The following SULF2 variants were observed in gnomAD, a reference collection of about 807,000 sequenced individuals.
SULF2 encodes sulfatase 2.
In SULF2, 52 loss-of-function variants were observed where a neutral mutation model predicts 107.7. The ratio of observed to expected loss-of-function variants is 0.48; its 90% CI spans 0.39 to 0.61. The LOEUF is 0.61. Among genes scored for constraint, SULF2 ranks in the 20% least tolerant of loss-of-function variants. The pLI, the probability that SULF2 is intolerant of heterozygous loss-of-function variation, is 0.00. For missense variants in SULF2, 993 were observed against 1,177.3 expected (o/e 0.84, Z 2.29); for synonymous variants, 460 against 464.3 (o/e 0.99, Z 0.12).
intron 3 of SULF2, among the ~76,000 whole-genome samples, chr20:47,718,667 G>A (rs559973592): frequency 3.3e-5 from 5 of 152,252 alleles, no homozygotes; most frequent in South Asian, 2.1e-4. Context: ...TGTGGCATGC[G>A]AAAGAAGTAA....
At chr20:47,664,408 A>T (rs966375720) in intron 14 of SULF2, among the ~76,000 whole-genome samples, 1 of 152,208 alleles carries the variant, frequency 6.6e-6, no homozygotes, top group African/African-American at 2.4e-5. Flanking sequence ...CTCTGCCTGG[A>T]CTTTTGCTAG....
intron 1 of SULF2, among the ~76,000 whole-genome samples, chr20:47,778,929 G>A (rs1187753591): frequency 6.6e-6 from 1 of 152,100 alleles, no homozygotes; most frequent in Non-Finnish European, 1.5e-5. Flanking sequence ...TCAATATGCC[G>A]ATAACTCCCA....
intron 18 of SULF2, chr20:47,661,547 CGT>C: frequency 2.6e-6 from 1 of 380,520 alleles, no homozygotes. Flanking sequence ...GACGGAATTC[CGT>C]GTGTTTCCTG....
At position 47,682,847 on chromosome 20, in the gene SULF2, G is replaced by A; in HGVS notation, c.1064+147C>T. On this transcript the variant is annotated intron_variant, in intron 7 of 20. Transcript: ENST00000688720. ...CTTCCCCAGCAGAGGGATATAACAT[G>A]CATGACATAATTGCTTTCCGCTGGC... 5.3e-6 allele frequency: 4 copies of A among 752,976 alleles called. No individual in the cohort carries two copies. The South Asian group carries it at 5.9e-5, about 11-fold the overall frequency. 46.6% of individuals were successfully genotyped at this position (752,976 alleles called of 1,614,324 possible).
chr20:47,766,949 G>GA (rs11412080), intron 1 of SULF2, among the ~76,000 whole-genome samples: 58,799 of 140,064 alleles, frequency 0.42, 12,532 homozygotes, highest in East Asian at 0.77. Context: ...ATGATCAGTA[G>GA]AAAAAAAAAA....
At chr20:47,659,982 T>C (rs906406225) in intron 18 of SULF2, among the ~76,000 whole-genome samples, 1 of 152,174 alleles carries the variant, frequency 6.6e-6, no homozygotes, top group African/African-American at 2.4e-5. Context: ...CCTGATGGCT[T>C]CATTCAGCGC....
intron 3 of SULF2, among the ~76,000 whole-genome samples, chr20:47,705,339 C>T (rs756439660): frequency 1.1e-4 from 17 of 152,100 alleles, no homozygotes; most frequent in Non-Finnish European, 1.9e-4. Flanking sequence ...GAGGAGGAGG[C>T]GGGGAACCGG....
rs2088309223 is a variant in SULF2, at chr20:47,694,497, C to A, written c.568-4202G>T. 6.6e-6 allele frequency among the ~76,000 whole-genome samples: 1 copy of A among 152,020 alleles called. No homozygotes were observed. The highest frequency in any genetic ancestry group is 2.1e-4 in the South Asian group (1 of 4,820). ...GTGAGATGGGTGGAGGTCCACAGGC[C>A]CAGGTGCATTTTCCAGAACCCGGCG... On this transcript the variant is annotated intron_variant, in intron 4 of 20. Transcript: ENST00000688720. This position sits in a 1 kb window ranked among gnomAD's most constrained non-coding sequence, Gnocchi z 4.4.
At chr20:47,737,444 G>C (rs1309411882) in intron 2 of SULF2, among the ~76,000 whole-genome samples, 1 of 151,566 alleles carries the variant, frequency 6.6e-6, no homozygotes, top group South Asian at 2.1e-4. Flanking sequence ...CCCAATAATT[G>C]TTTGCTCTTA....
In SULF2 at chr20:47,658,108, G is replaced by A. The variant is rs1014850785; in HGVS notation, c.*254C>T. 5 of 520,638 alleles carry A rather than the reference G, an allele frequency of 9.6e-6. No homozygotes were observed. Among genetic ancestry groups the A allele is most frequent in the Admixed American group, 3.3e-5 (1 of 30,332 alleles). The allele number at this position is 520,638 out of a possible 1,614,324, so 32.3% of individuals were successfully genotyped here. ...AGGGTTAGTGGTGACTTTTTGATAC[G>A]AAAAAATGCATTTTGTGCAGCTGGT... On this transcript the variant is annotated 3_prime_UTR_variant, in exon 21 of 21. Coordinates refer to ENST00000688720, the MANE Select transcript of SULF2 (RefSeq NM_001387048.1).
At chr20:47,718,482 T>C (rs1486602270) in intron 3 of SULF2, among the ~76,000 whole-genome samples, 3 of 152,164 alleles carry the variant, frequency 2.0e-5, no homozygotes, top group African/African-American at 7.2e-5. Flanking sequence ...AACCTGCATC[T>C]TCCTGGAGCT....
intron 7 of SULF2, among the ~76,000 whole-genome samples, chr20:47,681,778 C>T (rs745442713): frequency 1.3e-5 from 2 of 152,208 alleles, no homozygotes; most frequent in South Asian, 4.1e-4. Flanking sequence ...CTCCACCTCC[C>T]AGGTTCAAGC....
chr20:47,759,823 C>T (rs2090379311), intron 1 of SULF2, among the ~76,000 whole-genome samples: 2 of 152,240 alleles, frequency 1.3e-5, no homozygotes, highest in South Asian at 2.1e-4. Flanking sequence ...AACCCAGGCA[C>T]TCTGCATTTT....
At chr20:47,703,793 G>A (rs2088642871) in intron 3 of SULF2, among the ~76,000 whole-genome samples, 1 of 152,210 alleles carries the variant, frequency 6.6e-6, no homozygotes, top group Admixed American at 6.5e-5. Context: ...AGAAATTGTT[G>A]CATATTTACA....
intron 3 of SULF2, among the ~76,000 whole-genome samples, chr20:47,725,834 C>T (rs937714277): frequency 1.3e-5 from 2 of 152,188 alleles, no homozygotes; most frequent in South Asian, 2.1e-4. Flanking sequence ...CTCCCGGCCT[C>T]GGTGTAGGAA....
intron 2 of SULF2, among the ~76,000 whole-genome samples, chr20:47,749,345 A>C (rs55830984): frequency 0.042 from 6,371 of 152,270 alleles, 182 homozygotes; most frequent in Non-Finnish European, 0.064. Context: ...GATCTCCCAA[A>C]TGTTGCTGAA....
At chr20:47,734,802 C>T (rs1044157715) in intron 3 of SULF2, among the ~76,000 whole-genome samples, 5 of 152,160 alleles carry the variant, frequency 3.3e-5, no homozygotes, top group East Asian at 1.9e-4. Flanking sequence ...CTTGACATTA[C>T]GCTCCCAGTC....
rs1227986075 is a variant in SULF2, at chr20:47,663,626, TG to T, written c.2058-5del. On this transcript the variant is annotated splice_region_variant and splice_polypyrimidine_tract_variant and intron_variant, in intron 15 of 20. Coordinates refer to ENST00000688720, the MANE Select transcript of SULF2 (RefSeq NM_001387048.1). ...GTCCTTCTCTTGCAGGCCCTTCCTATGGGCGCAGAGGGCCACACACACCTTG... is the reference window on the plus strand; with the variant it reads ...GTCCTTCTCTTGCAGGCCCTTCCTATGGCGCAGAGGGCCACACACACCTTG... The T allele has an allele frequency of 9.5e-6, 15 of 1,577,888 alleles. No individual in the cohort carries two copies. The South Asian group carries it at 1.3e-4, about 14-fold the overall frequency.
intron 6 of SULF2, 38 bp downstream of exon 6, chr20:47,684,393 G>A (rs1199965156): frequency 1.3e-6 from 2 of 1,569,984 alleles, no homozygotes; most frequent in South Asian, 1.2e-5. Flanking sequence ...TGGGGGTTCG[G>A]AGCCACGCCC....
Sources: allele counts gnomAD v4.1 joint callset (sites outside exome capture counted in the v4.1 genomes callset), GRCh38; gene constraint gnomAD v4.1.1; non-coding constraint Gnocchi (gnomAD v3.1); transcripts MANE v1.5; gene names NCBI Gene and HGNC (gene_info 2026-07-23, HGNC 2026-07-21).